Variants in UBP1 observed in about 807,000 individuals in gnomAD.
The protein encoded by UBP1 is upstream-binding protein 1.
A neutral mutation model predicts 76.1 loss-of-function variants in UBP1; 22 were observed. That is an observed-to-expected ratio of 0.29 (90% CI 0.21 to 0.41). UBP1 has a LOEUF of 0.41. UBP1 is among the 10% of genes least tolerant of loss of function. The probability of loss-of-function intolerance (pLI) is 1.00; values close to 1 mark genes in which losing one functional copy is unlikely to be tolerated. For missense variants in UBP1, 436 were observed against 668.1 expected (o/e 0.65, Z 3.83); for synonymous variants, 224 against 237.1 (o/e 0.94, Z 0.51).
chr3:33,398,782 C>G (rs1248445198), intron 11 of UBP1, among the ~76,000 whole-genome samples: 1 of 152,244 alleles, frequency 6.6e-6, no homozygotes, highest in Non-Finnish European at 1.5e-5. Flanking sequence ...GGGCCTCCTT[C>G]AGTTCCAAAT....
chr3:33,405,549 G>A (rs1186327572), intron 8 of UBP1, among the ~76,000 whole-genome samples: 1 of 152,152 alleles, frequency 6.6e-6, no homozygotes, highest in Admixed American at 6.5e-5. Context: ...TTTGAGGCCA[G>A]GTATGGTGGC....
chr3:33,428,606 G>A (rs1011994051), intron 1 of UBP1, among the ~76,000 whole-genome samples: 40 of 151,882 alleles, frequency 2.6e-4, no homozygotes, highest in Non-Finnish European at 4.3e-4. Flanking sequence ...AGTGCTAAAC[G>A]ACTCCTGAAC....
intron 5 of UBP1, among the ~76,000 whole-genome samples, chr3:33,410,616 C>G (rs1003485232): frequency 2.0e-5 from 3 of 152,124 alleles, no homozygotes; most frequent in Non-Finnish European, 4.4e-5. Flanking sequence ...TATTACCTAC[C>G]TGGTAGTTTA....
In UBP1 at chr3:33,408,787, T is replaced by TCAAG. The variant is rs1278784397; in HGVS notation, c.826_829dup (p.Glu277AlafsTer2). 6.2e-7 allele frequency: 1 copy of TCAAG among 1,613,512 alleles called. No individual in the cohort carries two copies. The highest frequency in any genetic ancestry group is 1.3e-5 in the African/African-American group (1 of 74,874). On this transcript the variant is annotated stop_gained and frameshift_variant, in exon 8 of 16. Transcript: ENST00000283629. LOFTEE classifies it high-confidence loss of function. ...TTCAACTGCATCTTCAATTATAGGCTCAAGCCTCATCTGGACAAACACCAA... is the reference window on the plus strand; with the variant it reads ...TTCAACTGCATCTTCAATTATAGGCTCAAGCAAGCCTCATCTGGACAAACACCAA...
chr3:33,404,995 G>A (rs2044378546), intron 8 of UBP1, among the ~76,000 whole-genome samples: 2 of 152,090 alleles, frequency 1.3e-5, no homozygotes, highest in African/African-American at 4.8e-5. Flanking sequence ...TGTAGGATTT[G>A]TTGTTTTGAT....
chr3:33,400,235 G>A lies in UBP1; in HGVS notation c.1134C>T (p.Leu378=). ...TTGTGTAGGAAGAGAATCTGTTTTTGAGCAGCCATTGCTGTGTTTCCTGGA... is the reference window on the plus strand; with the variant it reads ...TTGTGTAGGAAGAGAATCTGTTTTTAAGCAGCCATTGCTGTGTTTCCTGGA... ...ATIQETQQWL[L]KNRFSSYTRL... Residue 378 remains leucine (L), a synonymous_variant, in exon 11 of 16, where the codon CTC becomes CTT. Transcript: ENST00000283629. 1 of 1,603,386 alleles carries A rather than the reference G, an allele frequency of 6.2e-7. No individual in the cohort carries two copies. The highest frequency in any genetic ancestry group is 8.5e-7 in the Non-Finnish European group (1 of 1,176,710).
chr3:33,392,963 TG>T (rs1318176016), intron 14 of UBP1: 6 of 313,650 alleles, frequency 1.9e-5, no homozygotes, highest in African/African-American at 8.6e-5. Flanking sequence ...ATATCTTACA[TG>T]TTTTTTTAAA....
At chr3:33,438,531 C>G (rs910478395) in intron 1 of UBP1, among the ~76,000 whole-genome samples, 6 of 152,218 alleles carry the variant, frequency 3.9e-5, no homozygotes, top group Admixed American at 6.5e-5. Flanking sequence ...AATAAGCCAA[C>G]TCATCTACAG....
At chr3:33,391,873 T>C (rs2043779717) in intron 15 of UBP1, 1 of 152,416 alleles carries the variant, frequency 6.6e-6, no homozygotes, top group Non-Finnish European at 1.5e-5. Context: ...AAATCCGAAC[T>C]ACCATCATCA....
chr3:33,401,950 T>C (rs1039753023), intron 9 of UBP1, among the ~76,000 whole-genome samples: 2 of 152,228 alleles, frequency 1.3e-5, no homozygotes, highest in Admixed American at 6.5e-5. Flanking sequence ...TTTTCTACTC[T>C]TAAAGCATAA....
In UBP1 at chr3:33,439,865, C is replaced by T. The variant is rs2045263470; in HGVS notation, c.-17G>A. ...CCAGGCCATCTTCCGGCCTCGCCGTCGCCCCGCACACCGCGGCCTCCGCGT... is the reference window on the plus strand; with the variant it reads ...CCAGGCCATCTTCCGGCCTCGCCGTTGCCCCGCACACCGCGGCCTCCGCGT... On this transcript the variant is annotated 5_prime_UTR_variant, in exon 1 of 16. Coordinates refer to ENST00000283629, the MANE Select transcript of UBP1 (RefSeq NM_014517.5). 2 of 1,610,202 alleles carry T rather than the reference C, an allele frequency of 1.2e-6. No homozygotes were observed. The highest frequency in any genetic ancestry group is 1.7e-6 in the Non-Finnish European group (2 of 1,178,852).
rs952582547 is a variant in UBP1 at position 33,389,243 on chromosome 3, T to A, written c.*1088A>T. The A allele has an allele frequency of 2.3e-4, 35 of 152,738 alleles. No homozygotes were observed. The highest frequency in any genetic ancestry group is 6.7e-4 in the African/African-American group (28 of 41,560). The allele number at this position is 152,738 out of a possible 1,614,324, so 9.5% of individuals were successfully genotyped here. On this transcript the variant is annotated 3_prime_UTR_variant, in exon 16 of 16. Coordinates refer to ENST00000283629, the MANE Select transcript of UBP1 (RefSeq NM_014517.5). ...AAATCATCACCAGAATGTCTATCCA[T>A]GATTGTACTAAAGCTCAATATTTGA...
intron 5 of UBP1, 35 bp downstream of exon 5, chr3:33,411,546 G>C (rs780881001): frequency 1.9e-6 from 3 of 1,567,422 alleles, no homozygotes; most frequent in Non-Finnish European, 2.6e-6. Flanking sequence ...TAAATAACTA[G>C]GTTAGTAAGC....
At chr3:33,411,781 A>G (rs1202181251) in intron 4 of UBP1, 94 bp from the exon 5 acceptor site, 1 of 944,154 alleles carries the variant, frequency 1.1e-6, no homozygotes, top group Admixed American at 2.1e-5. Flanking sequence ...AAATAACTGT[A>G]ACTGCTTTGA....
intron 2 of UBP1, among the ~76,000 whole-genome samples, chr3:33,419,074 G>C (rs1458466294): frequency 6.6e-6 from 1 of 152,106 alleles, no homozygotes; most frequent in Non-Finnish European, 1.5e-5. Context: ...TCAGTTTTCT[G>C]CTGTATTAGA....
Position 33,400,417 on chromosome 3 carries a change from T to A in UBP1, c.1087-135A>T, listed in dbSNP as rs913263263. 12 of 587,040 alleles carry A rather than the reference T, an allele frequency of 2.0e-5. No homozygotes were observed. In the African/African-American group the frequency reaches 2.4e-4, roughly 12 times the overall value. The allele number at this position is 587,040 out of a possible 1,614,324, so 36.4% of individuals were successfully genotyped here. On this transcript the variant is annotated intron_variant, in intron 10 of 15. Transcript: ENST00000283629. ...ATGAGTCTGACTCCAGCAACCCAAATGATGCAGGCCCTTGTCAGAAACTTA... is the reference window on the plus strand; with the variant it reads ...ATGAGTCTGACTCCAGCAACCCAAAAGATGCAGGCCCTTGTCAGAAACTTA...
At chr3:33,401,092 T>C (rs186524531) in intron 9 of UBP1, 76 bp from the exon 10 acceptor site, 3 of 1,390,052 alleles carry the variant, frequency 2.2e-6, no homozygotes, top group African/African-American at 3.0e-5. Flanking sequence ...TTAAAAGCTG[T>C]TGCATTGTAA....
chr3:33,417,761 T>C (rs1405484410), intron 2 of UBP1, among the ~76,000 whole-genome samples: 2 of 152,166 alleles, frequency 1.3e-5, no homozygotes, highest in Non-Finnish European at 2.9e-5. Flanking sequence ...CAGTAAAAAT[T>C]AAAGAATGCT....
At chr3:33,416,724 A>G in intron 3 of UBP1, 34 bp downstream of exon 3, 3 of 1,483,462 alleles carry the variant, frequency 2.0e-6, no homozygotes, top group Non-Finnish European at 1.9e-6. Flanking sequence ...AATCACAGCA[A>G]TATCCATTGG....
Sources: allele counts gnomAD v4.1 joint callset (sites outside exome capture counted in the v4.1 genomes callset), GRCh38; gene constraint gnomAD v4.1.1; transcripts MANE v1.5; gene names NCBI Gene and HGNC (gene_info 2026-07-23, HGNC 2026-07-21).